The following ANK2 variants were observed in gnomAD, a reference collection of about 807,000 sequenced individuals.
ANK2 encodes the protein ankyrin-2.
A neutral mutation model predicts 360.5 loss-of-function variants in ANK2; 83 were observed. That is an observed-to-expected ratio of 0.23 (90% CI 0.19 to 0.28). ANK2 has a LOEUF of 0.28. Ranked by LOEUF, ANK2 falls within the 10% of genes least tolerant of loss-of-function variation. ANK2 has a pLI of 1.00. For synonymous variants in ANK2, 1,740 were observed against 1,759.5 expected, an observed-to-expected ratio of 0.99 and a Z score of 0.28; for missense variants, 4,201 against 4,795.7, an observed-to-expected ratio of 0.88 and a Z score of 3.66.
At position 113,242,266 on chromosome 4, in the gene ANK2, G is replaced by T. The variant is rs1161507217; in HGVS notation, c.891+57G>T. 2.7e-5 allele frequency: 40 copies of T among 1,480,906 alleles called. No homozygotes were observed. In the South Asian group the frequency reaches 3.9e-4, roughly 14 times the overall value. 91.7% of individuals were successfully genotyped at this position (1,480,906 alleles called of 1,614,324 possible). A position where few individuals can be genotyped will look rare whatever the true frequency, so the allele number is the denominator to read the frequency against. ...ATTATTATTTCTTTCAAGCCTCATA[G>T]AAGGCACCTCAAGACACCAGGTCAT... is the stretch of plus-strand genomic sequence containing the variant. On this transcript the variant is annotated intron_variant, in intron 9 of 45. Coordinates refer to ENST00000357077, the MANE Select transcript of ANK2 (RefSeq NM_001148.6).
chr4:113,322,235 A>G (rs944401760), intron 26 of ANK2, among the ~76,000 whole-genome samples: 1 of 152,206 alleles, frequency 6.6e-6, no homozygotes, highest in East Asian at 1.9e-4. Flanking sequence ...ACTAGAGAAC[A>G]ATAGGTATCA....
At chr4:112,967,880 T>G (rs1166836901) in intron 2 of ANK2, among the ~76,000 whole-genome samples, 5 of 152,206 alleles carry the variant, frequency 3.3e-5, no homozygotes, top group African/African-American at 9.6e-5. Context: ...AGCCTGTGAA[T>G]ATATCAAGGA....
chr4:112,987,539 T>A (rs2154276514), intron 2 of ANK2, among the ~76,000 whole-genome samples: 1 of 152,168 alleles, frequency 6.6e-6, no homozygotes, highest in African/African-American at 2.4e-5. Context: ...TAATTGCTTG[T>A]GGCAGGACAA....
At chr4:112,721,839 T>G in the ANK2 span, among the ~76,000 whole-genome samples, 4 of 152,138 alleles carry the variant, frequency 2.6e-5, no homozygotes, top group African/African-American at 9.7e-5. Flanking sequence ...ATTGTTTGAG[T>G]AAGTGAGTCA....
At chr4:113,114,163 C>T (rs2094545408) in intron 1 of ANK2, among the ~76,000 whole-genome samples, 2 of 152,064 alleles carry the variant, frequency 1.3e-5, no homozygotes, top group African/African-American at 4.8e-5. Context: ...TAAGAGCCCT[C>T]AATGAGGGCT....
At chr4:113,142,010 A>G (rs1183928264) in intron 1 of ANK2, among the ~76,000 whole-genome samples, 3 of 152,194 alleles carry the variant, frequency 2.0e-5, no homozygotes, top group East Asian at 1.9e-4. Flanking sequence ...AAATTCAAGT[A>G]CCCTGCTCTA....
chr4:113,242,065 G>A (rs2040249247), intron 8 of ANK2, 46 bp from the exon 9 acceptor site: 1 of 1,495,410 alleles, frequency 6.7e-7, no homozygotes, highest in Non-Finnish European at 9.3e-7. Flanking sequence ...TCGCCATCAT[G>A]CCCTGTCATA....
chr4:113,355,266 C>G lies in ANK2; in HGVS notation c.6648C>G (p.Gly2216=), dbSNP rs140926982. ...AGGGGGTAGCCGGCTCTCCGTGTGG[C>G]AGCCTGATGGAGGGGACCCCTCAGA... is the stretch of plus-strand genomic sequence containing the variant. ...KNEGVAGSPC[G]SLMEGTPQIS... The change falls in exon 38 of 46, where the codon GGC becomes GGG. Residue 2216 remains glycine, a synonymous_variant. Transcript: ENST00000357077. The G allele has an allele frequency of 2.4e-3, 3,925 of 1,614,054 alleles. 8 individuals carry two copies. Among genetic ancestry groups the G allele is most frequent in the Non-Finnish European group, 2.8e-3 (3,361 of 1,179,962 alleles).
intron 2 of ANK2, among the ~76,000 whole-genome samples, chr4:112,951,793 C>T (rs764222950): frequency 3.9e-5 from 6 of 152,224 alleles, no homozygotes; most frequent in South Asian, 2.1e-4. Flanking sequence ...ACATATTTTA[C>T]GAGTAATAAG....
At chr4:113,378,330 TG>T in intron 45 of ANK2, 1 of 329,634 alleles carries the variant, frequency 3.0e-6, no homozygotes, top group Non-Finnish European at 5.9e-6. Flanking sequence ...GGTCAAGTAA[TG>T]GATCTATTGA....
At chr4:112,904,580 A>G in intron 2 of ANK2, 3 of 1,220,552 alleles carry the variant, frequency 2.5e-6, no homozygotes, top group Non-Finnish European at 3.4e-6. Context: ...GTTAGAATGT[A>G]ATTAAGTACT....
intron 4 of ANK2, among the ~76,000 whole-genome samples, chr4:113,211,415 A>C (rs750862031): frequency 6.6e-6 from 1 of 152,214 alleles, no homozygotes; most frequent in Non-Finnish European, 1.5e-5. Context: ...ACATCATCTA[A>C]GATGGATGTT....
intron 27 of ANK2, 126 bp from the exon 28 acceptor site, chr4:113,331,846 G>A: frequency 1.1e-6 from 1 of 891,440 alleles, no homozygotes; most frequent in South Asian, 1.3e-5. Context: ...GGAGGGGGCA[G>A]AACCAAACGC....
chr4:112,826,788 C>T (rs1392101275), intron 1 of ANK2: 2 of 1,025,342 alleles, frequency 2.0e-6, no homozygotes, highest in South Asian at 1.4e-5. Context: ...AAATAAAATT[C>T]TGTTGCTTCA....
At chr4:113,202,826 C>T (rs757744283) in intron 4 of ANK2, among the ~76,000 whole-genome samples, 4 of 152,152 alleles carry the variant, frequency 2.6e-5, no homozygotes, top group Non-Finnish European at 5.9e-5. Flanking sequence ...TTCCAGAACA[C>T]CAGCTGGATC....
chr4:112,735,854 A>G, the ANK2 span, among the ~76,000 whole-genome samples: 3 of 152,118 alleles, frequency 2.0e-5, no homozygotes, highest in African/African-American at 7.2e-5. Context: ...TCCTCATCCC[A>G]GCCCATGGTA....
At chr4:113,191,649 A>G (rs1463368731) in intron 2 of ANK2, among the ~76,000 whole-genome samples, 1 of 152,216 alleles carries the variant, frequency 6.6e-6, no homozygotes, top group Non-Finnish European at 1.5e-5. Context: ...AGGAATATAT[A>G]CATGTATTAC....
intron 2 of ANK2, among the ~76,000 whole-genome samples, chr4:112,936,286 A>G (rs961484130): frequency 1.3e-5 from 2 of 152,212 alleles, no homozygotes; most frequent in African/African-American, 4.8e-5. Flanking sequence ...AAACAATGAT[A>G]ACACTAATAA....
At chr4:112,858,974 C>T (rs2067163473) in intron 1 of ANK2, among the ~76,000 whole-genome samples, 1 of 152,160 alleles carries the variant, frequency 6.6e-6, no homozygotes, top group Non-Finnish European at 1.5e-5. Context: ...TTCTTCTGTA[C>T]CTACAAACAT....
Sources: allele counts gnomAD v4.1 joint callset (sites outside exome capture counted in the v4.1 genomes callset), GRCh38; gene constraint gnomAD v4.1.1; transcripts MANE v1.5; gene names NCBI Gene and HGNC (gene_info 2026-07-23, HGNC 2026-07-21).